ERBB4: variants seen among roughly 807,000 people sequenced by gnomAD.
ERBB4 encodes the protein erb-b2 receptor tyrosine kinase 4.
Under a neutral mutation model 158.0 loss-of-function variants are expected in ERBB4, and 42 were observed. The ratio of observed to expected loss-of-function variants is 0.27; its 90% CI spans 0.21 to 0.34. The LOEUF is 0.34. Among genes scored for constraint, ERBB4 ranks in the 10% least tolerant of loss-of-function variants. ERBB4 has a pLI of 1.00. For missense variants in ERBB4, 1,333 were observed against 1,624.1 expected (o/e 0.82, Z 3.08); for synonymous variants, 583 against 558.7 (o/e 1.04, Z -0.61).
chr2:212,217,771 T>C (rs1290743269), intron 1 of ERBB4, among the ~76,000 whole-genome samples: 3 of 151,352 alleles, frequency 2.0e-5, no homozygotes, highest in African/African-American at 7.3e-5. Context: ...GTCTTGATAG[T>C]TTTTATAATT....
intron 1 of ERBB4, among the ~76,000 whole-genome samples, chr2:212,331,108 A>G (rs1320480281): frequency 8.4e-6 from 1 of 118,412 alleles, no homozygotes; most frequent in Non-Finnish European, 2.0e-5. Flanking sequence ...CTTAATCAGT[A>G]TATGAGTTTA....
chr2:212,465,970 C>T (rs1042919941), intron 1 of ERBB4, among the ~76,000 whole-genome samples: 7 of 152,100 alleles, frequency 4.6e-5, no homozygotes, highest in Non-Finnish European at 8.8e-5. Flanking sequence ...TGTGTTCTGA[C>T]GGCAAATAAT....
chr2:211,383,267 GAAGAAAGAAACA>G lies in ERBB4; in HGVS notation c.*336_*347del. 2 of 279,406 alleles carry G rather than the reference GAAGAAAGAAACA, an allele frequency of 7.2e-6. No individual in the cohort carries two copies. The highest frequency in any genetic ancestry group is 1.1e-3 in the Middle Eastern group (1 of 932). The allele number at this position is 279,406 out of a possible 1,614,324, so 17.3% of individuals were successfully genotyped here. A position where few individuals can be genotyped will look rare whatever the true frequency, so the allele number is the denominator to read the frequency against. Reference sequence around the variant, plus strand: ...TAAAAAAAAAAAAAAAAAAGAAGAGGAAGAAAGAAACAAAGAAAGAAAAAGAAAAAGAAAAAA... The same window carrying G: ...TAAAAAAAAAAAAAAAAAAGAAGAGGAAGAAAGAAAAAGAAAAAGAAAAAA... On this transcript the variant is annotated 3_prime_UTR_variant, in exon 28 of 28. Transcript: ENST00000342788.
chr2:211,523,975 C>G (rs2066263203), intron 20 of ERBB4, among the ~76,000 whole-genome samples: 1 of 151,846 alleles, frequency 6.6e-6, no homozygotes, highest in South Asian at 2.1e-4. Context: ...TAGCTAGATA[C>G]AGAATGTTGA....
At chr2:212,160,017 T>C (rs7589512) in intron 1 of ERBB4, among the ~76,000 whole-genome samples, 10,153 of 152,044 alleles carry the variant, frequency 0.067, 621 homozygotes, top group African/African-American at 0.16. Flanking sequence ...TCAAGACAAA[T>C]CCATGGCAAG....
At chr2:212,098,148 C>T (rs999280227) in intron 2 of ERBB4, among the ~76,000 whole-genome samples, 6 of 152,116 alleles carry the variant, frequency 3.9e-5, no homozygotes, top group African/African-American at 7.2e-5. Flanking sequence ...AGATTTATCT[C>T]GGAACCGATG....
intron 1 of ERBB4, among the ~76,000 whole-genome samples, chr2:212,417,110 C>T (rs1382414653): frequency 1.3e-5 from 2 of 151,968 alleles, no homozygotes; most frequent in African/African-American, 4.8e-5. Flanking sequence ...TTTTATCTTC[C>T]TAAGTTTTGA....
chr2:212,272,680 A>G (rs1468240944), intron 1 of ERBB4, among the ~76,000 whole-genome samples: 1 of 151,824 alleles, frequency 6.6e-6, no homozygotes, highest in Non-Finnish European at 1.5e-5. Flanking sequence ...CATGAGCCAT[A>G]CTGATAATGC....
intron 20 of ERBB4, among the ~76,000 whole-genome samples, chr2:211,482,172 G>C (rs75064317): frequency 0.038 from 5,826 of 152,242 alleles, 367 homozygotes; most frequent in African/African-American, 0.13. Flanking sequence ...GTCCCTCTTT[G>C]AGGATTCACT....
intron 20 of ERBB4, among the ~76,000 whole-genome samples, chr2:211,528,208 T>C (rs115401503): frequency 0.035 from 5,314 of 152,120 alleles, 304 homozygotes; most frequent in African/African-American, 0.12. Context: ...AGAGTTGCTA[T>C]ATTTATATCA....
chr2:211,877,685 T>C (rs2078544638), intron 3 of ERBB4, among the ~76,000 whole-genome samples: 1 of 152,184 alleles, frequency 6.6e-6, no homozygotes, highest in African/African-American at 2.4e-5. Flanking sequence ...ATGAAAACAA[T>C]TTGTATAGGA....
chr2:212,532,504 TA>T (rs1373854522), intron 1 of ERBB4, among the ~76,000 whole-genome samples: 1 of 152,190 alleles, frequency 6.6e-6, no homozygotes, highest in African/African-American at 2.4e-5. Context: ...ACTTTTTTTC[TA>T]AAAAGTCTAA....
chr2:212,456,412 A>C (rs1882352), intron 1 of ERBB4, among the ~76,000 whole-genome samples: 15,995 of 152,028 alleles, frequency 0.11, 1,131 homozygotes, highest in Non-Finnish European at 0.16. Context: ...AATAGAGTAC[A>C]AGATTAAGTG....
chr2:212,199,220 T>A (rs948029037), intron 1 of ERBB4, among the ~76,000 whole-genome samples: 1 of 152,158 alleles, frequency 6.6e-6, no homozygotes, highest in South Asian at 2.1e-4. Flanking sequence ...TTACAACCAT[T>A]AACTCACTAC....
intron 1 of ERBB4, among the ~76,000 whole-genome samples, chr2:212,374,286 T>C (rs1014952530): frequency 1.3e-5 from 2 of 151,578 alleles, no homozygotes; most frequent in African/African-American, 4.8e-5. Context: ...ACAGTGACTA[T>C]TTTGACTTTG....
chr2:211,440,752 C>T (rs1574493964), intron 20 of ERBB4, among the ~76,000 whole-genome samples: 1 of 152,028 alleles, frequency 6.6e-6, no homozygotes, highest in Non-Finnish European at 1.5e-5. Flanking sequence ...TCTATATGTC[C>T]AGGTGGTTGA....
intron 19 of ERBB4, among the ~76,000 whole-genome samples, chr2:211,608,980 C>G (rs1471570934): frequency 6.6e-6 from 1 of 152,084 alleles, no homozygotes. Context: ...CTCTAACCCT[C>G]TACTTGAGAG....
chr2:211,884,942 T>G (rs1304880018), intron 3 of ERBB4, among the ~76,000 whole-genome samples: 1 of 152,030 alleles, frequency 6.6e-6, no homozygotes, highest in Non-Finnish European at 1.5e-5. Flanking sequence ...TTCTGAAAAA[T>G]AAAAATAGAT....
chr2:212,419,664 C>A (rs1388372845), intron 1 of ERBB4, among the ~76,000 whole-genome samples: 3 of 151,674 alleles, frequency 2.0e-5, no homozygotes, highest in East Asian at 3.9e-4. Context: ...TACAATATTT[C>A]ATTTAATAAT....
Sources: allele counts gnomAD v4.1 joint callset (sites outside exome capture counted in the v4.1 genomes callset), GRCh38; gene constraint gnomAD v4.1.1; transcripts MANE v1.5; gene names NCBI Gene and HGNC (gene_info 2026-07-23, HGNC 2026-07-21).